ANOS1: variants seen among roughly 807,000 people sequenced by gnomAD.
ANOS1 encodes anosmin 1.
A neutral mutation model predicts 59.0 loss-of-function variants in ANOS1; 6 were observed. That is an observed-to-expected ratio of 0.10 (90% CI 0.06 to 0.20). ANOS1 has a LOEUF of 0.20. ANOS1 is among the 10% of genes least tolerant of loss of function. The probability of loss-of-function intolerance (pLI) is 1.00; values close to 1 mark genes in which losing one functional copy is unlikely to be tolerated. For missense variants in ANOS1, 433 were observed against 542.3 expected (o/e 0.80, Z 2.00); for synonymous variants, 217 against 223.4 (o/e 0.97, Z 0.25).
intron 3 of ANOS1, among the ~76,000 whole-genome samples, chrX:8,612,996 CTTCA>C (rs1192838569): frequency 4.5e-5 from 5 of 111,896 alleles, no homozygotes; most frequent in African/African-American, 6.5e-5. Flanking sequence ...AGGAGACTCT[CTTCA>C]TTCATTGATT....
intron 2 of ANOS1, among the ~76,000 whole-genome samples, chrX:8,699,471 C>A (rs995487519): frequency 9.0e-6 from 1 of 111,717 alleles, no homozygotes; most frequent in African/African-American, 3.2e-5. Flanking sequence ...GTGGTAGCTA[C>A]GTAAATCCAA....
At chrX:8,667,350 A>AG (rs1458930476) in intron 2 of ANOS1, among the ~76,000 whole-genome samples, 4 of 110,561 alleles carry the variant, frequency 3.6e-5, no homozygotes, top group Non-Finnish European at 7.6e-5. Context: ...TTCTTGAGAC[A>AG]GAGCCTTGCT....
At chrX:8,570,128 ATC>A (rs1269607214) in intron 7 of ANOS1, among the ~76,000 whole-genome samples, 2 of 100,578 alleles carry the variant, frequency 2.0e-5, no homozygotes, top group African/African-American at 3.8e-5. Context: ...ATTTACAAGG[ATC>A]TCTCTCTCTC....
At chrX:8,644,274 T>A (rs1454554809) in intron 2 of ANOS1, among the ~76,000 whole-genome samples, 1 of 110,468 alleles carries the variant, frequency 9.1e-6, no homozygotes, top group Non-Finnish European at 1.9e-5. Flanking sequence ...AGCCAAGGGG[T>A]CCCAAATAAA....
chrX:8,702,179 G>A (rs762996486), intron 1 of ANOS1, among the ~76,000 whole-genome samples: 2 of 110,620 alleles, frequency 1.8e-5, no homozygotes, highest in Admixed American at 9.7e-5. Flanking sequence ...AGCTGGAGAC[G>A]CATACGAACA....
chrX:8,576,993 A>G (rs1483431580), intron 6 of ANOS1, among the ~76,000 whole-genome samples: 3 of 111,511 alleles, frequency 2.7e-5, no homozygotes, highest in South Asian at 7.7e-4. Flanking sequence ...CTGCCCTCAT[A>G]GCTCAAAAGC....
chrX:8,700,285 G>T (rs745770729), intron 1 of ANOS1, among the ~76,000 whole-genome samples: 6 of 111,354 alleles, frequency 5.4e-5, no homozygotes, highest in Non-Finnish European at 7.5e-5. Context: ...GGCTGGGGAG[G>T]CTCAGGAAAC....
chrX:8,618,328 T>A (rs754055476), intron 3 of ANOS1, among the ~76,000 whole-genome samples: 12 of 112,349 alleles, frequency 1.1e-4, no homozygotes, highest in Non-Finnish European at 1.9e-5. Context: ...CAACTTGTAT[T>A]TTTACCCTTG....
chrX:8,573,214 C>A (rs757042774), intron 6 of ANOS1, among the ~76,000 whole-genome samples: 96 of 110,333 alleles, frequency 8.7e-4, no homozygotes, highest in Admixed American at 3.1e-3. Context: ...CAGGCACCTG[C>A]CATCATGCCT....
chrX:8,553,378 AC>A (rs971352194), intron 9 of ANOS1, among the ~76,000 whole-genome samples: 17 of 111,634 alleles, frequency 1.5e-4, no homozygotes, highest in Non-Finnish European at 3.0e-4. Context: ...ATTAAGATAT[AC>A]CCATACAAAG....
chrX:8,680,401 A>G (rs1458492506), intron 2 of ANOS1, among the ~76,000 whole-genome samples: 1 of 110,935 alleles, frequency 9.0e-6, no homozygotes, highest in Non-Finnish European at 1.9e-5. Flanking sequence ...TTTATTAGAA[A>G]GAAGTAATAG....
chrX:8,593,380 G>T (rs751188466), intron 4 of ANOS1, among the ~76,000 whole-genome samples: 3 of 111,542 alleles, frequency 2.7e-5, no homozygotes, highest in Non-Finnish European at 5.6e-5. Flanking sequence ...AAGGTAAACC[G>T]GGGAAATGTT....
chrX:8,608,727 T>C (rs1930988103), intron 3 of ANOS1, among the ~76,000 whole-genome samples: 1 of 111,672 alleles, frequency 9.0e-6, no homozygotes, highest in African/African-American at 3.3e-5. Context: ...AATTGAATCA[T>C]GGGGGCAGTT....
chrX:8,612,551 G>GTTTTTTT (rs60402454), intron 3 of ANOS1, among the ~76,000 whole-genome samples: 2 of 60,833 alleles, frequency 3.3e-5, no homozygotes, highest in African/African-American at 5.5e-5. Flanking sequence ...AAAACAAGAA[G>GTTTTTTT]TTTTTTTTTT....
intron 1 of ANOS1, among the ~76,000 whole-genome samples, chrX:8,709,859 C>G (rs376442838): frequency 8.9e-6 from 1 of 112,101 alleles, no homozygotes; most frequent in East Asian, 2.8e-4. Flanking sequence ...CTTGTCCACC[C>G]TGGGAAAGGT....
rs371925856 is a variant in ANOS1 at position 8,664,886 on chromosome X, A to C, written c.255+34812T>G. On this transcript the variant is annotated intron_variant, in intron 2 of 13. Coordinates refer to ENST00000262648, the MANE Select transcript of ANOS1 (RefSeq NM_000216.4). ...ATTTCTCTTTTTGAAGAACTCAGTG[A>C]TTATGGCTTTTGGGGCACAATTTCA... Among the ~76,000 whole-genome samples, 7 of 111,747 alleles carry C rather than the reference A, an allele frequency of 6.3e-5. No homozygotes were observed. In the East Asian group the frequency reaches 1.4e-3, roughly 23 times the overall value.
intron 2 of ANOS1, among the ~76,000 whole-genome samples, chrX:8,671,195 G>A (rs567396725): frequency 9.6e-4 from 107 of 111,425 alleles, no homozygotes; most frequent in African/African-American, 3.3e-3. Context: ...AGGCCCTGTC[G>A]CCAGGTGTCC....
chrX:8,656,685 G>A (rs1029208566), intron 2 of ANOS1, among the ~76,000 whole-genome samples: 8 of 111,453 alleles, frequency 7.2e-5, no homozygotes, highest in African/African-American at 2.6e-4. Flanking sequence ...TGCATGGCAT[G>A]GATCCCTGTT....
chrX:8,625,534 T>G (rs1305920555), intron 2 of ANOS1, among the ~76,000 whole-genome samples: 6 of 112,418 alleles, frequency 5.3e-5, no homozygotes, highest in Non-Finnish European at 9.4e-5. Context: ...AGTTAGAAGA[T>G]ACACTGGAAA....
Sources: allele counts gnomAD v4.1 joint callset (sites outside exome capture counted in the v4.1 genomes callset), GRCh38; gene constraint gnomAD v4.1.1; transcripts MANE v1.5; gene names NCBI Gene and HGNC (gene_info 2026-07-23, HGNC 2026-07-21).